Variants in SCGN observed in about 807,000 individuals in gnomAD.
The protein encoded by SCGN is secretagogin.
SCGN carries 30 observed loss-of-function variants against 39.7 expected under a neutral mutation model. The observed-to-expected ratio is 0.76, with a 90% CI of 0.57 to 1.03. The LOEUF (loss-of-function observed/expected upper bound fraction) is 1.03, where lower values mean the gene tolerates loss of function less well. Among genes scored for constraint, SCGN ranks in the 50% least tolerant of loss-of-function variants. The pLI is 0.00. For missense variants in SCGN, 353 were observed against 349.4 expected (o/e 1.01, Z -0.08); for synonymous variants, 106 against 114.1 (o/e 0.93, Z 0.45).
At chr6:25,678,388 A>G (rs1249914500) in intron 6 of SCGN, among the ~76,000 whole-genome samples, 1 of 152,094 alleles carries the variant, frequency 6.6e-6, no homozygotes. Flanking sequence ...CTTTTTTTTA[A>G]ATTCAATAAA....
chr6:25,701,369 T>C lies in SCGN; in HGVS notation c.*34T>C. On this transcript the variant is annotated 3_prime_UTR_variant, in exon 11 of 11. Coordinates refer to ENST00000377961, the MANE Select transcript of SCGN (RefSeq NM_006998.4). ...TGCTTTGCCTTTTGCTCTTACTATGTTTCTGTGATCTTGCTGGTAGAATTG... is the reference window on the plus strand; with the variant it reads ...TGCTTTGCCTTTTGCTCTTACTATGCTTCTGTGATCTTGCTGGTAGAATTG... 1 of 1,599,092 alleles carries C rather than the reference T, an allele frequency of 6.3e-7. No individual in the cohort carries two copies. Among genetic ancestry groups the C allele is most frequent in the South Asian group, 1.1e-5 (1 of 87,950 alleles).
chr6:25,657,855 G>A (rs1321493685), intron 2 of SCGN, among the ~76,000 whole-genome samples: 2 of 150,934 alleles, frequency 1.3e-5, no homozygotes, highest in African/African-American at 4.9e-5. Context: ...AAGACAGACT[G>A]TCACCTCAGG....
In SCGN at chr6:25,689,039, G is replaced by C. The variant is rs191617119; in HGVS notation, c.528-133G>C. 1.2e-3 allele frequency: 675 copies of C among 575,044 alleles called. 15 individuals are homozygous for C. In the Admixed American group the frequency reaches 0.021, roughly 18 times the overall value. 35.6% of individuals were successfully genotyped at this position (575,044 alleles called of 1,614,324 possible). On this transcript the variant is annotated intron_variant, in intron 7 of 10. Transcript: ENST00000377961. ...TAATTTCTTTGTTTCTGTGATGTAG[G>C]AAGTTCTGTCTTTCAAGTACCTATT... is the stretch of plus-strand genomic sequence containing the variant.
chr6:25,665,034 T>G lies in SCGN; in HGVS notation c.336+2T>G. The G allele has an allele frequency of 6.2e-7, 1 of 1,611,358 alleles. No homozygotes were observed. Among genetic ancestry groups the G allele is most frequent in the East Asian group, 2.2e-5 (1 of 44,864 alleles). The stretch of plus-strand genomic sequence containing the variant: ...GACAGCAGCGTGGAGTTTATGCAGG[T>G]GAGTGCTTGGTTGTGTCTCTGTGAA... On this transcript the variant is annotated splice_donor_variant, in intron 4 of 10. Coordinates refer to ENST00000377961, the MANE Select transcript of SCGN (RefSeq NM_006998.4). LOFTEE classifies it high-confidence loss of function.
At chr6:25,684,497 AGAT>A (rs1759678498) in intron 7 of SCGN, among the ~76,000 whole-genome samples, 1 of 152,190 alleles carries the variant, frequency 6.6e-6, no homozygotes, top group Non-Finnish European at 1.5e-5. Context: ...AGCAGAATAA[AGAT>A]GTCCACGTCT....
intron 3 of SCGN, among the ~76,000 whole-genome samples, chr6:25,663,199 A>T (rs530345047): frequency 6.6e-6 from 1 of 152,286 alleles, no homozygotes; most frequent in African/African-American, 2.4e-5. Flanking sequence ...TTGCTGTACC[A>T]TTGACCATTT....
chr6:25,696,478 T>C (rs1193438720), intron 10 of SCGN, among the ~76,000 whole-genome samples: 1 of 152,200 alleles, frequency 6.6e-6, no homozygotes, highest in Non-Finnish European at 1.5e-5. Context: ...TAGATCATAA[T>C]TTACTTAAAC....
At chr6:25,693,363 A>G (rs1053125075) in intron 10 of SCGN, among the ~76,000 whole-genome samples, 2 of 148,040 alleles carry the variant, frequency 1.4e-5, no homozygotes, top group African/African-American at 5.0e-5. Context: ...TAGGCAGGAG[A>G]ATGGTGTGAA....
intron 10 of SCGN, among the ~76,000 whole-genome samples, chr6:25,699,357 G>A (rs1263224212): frequency 6.6e-6 from 1 of 152,078 alleles, no homozygotes; most frequent in African/African-American, 2.4e-5. Flanking sequence ...GGGAGGCCGA[G>A]GCAGGTGTGT....
intron 8 of SCGN, 30 bp from the exon 9 acceptor site, chr6:25,689,443 G>A: frequency 6.3e-7 from 1 of 1,595,254 alleles, no homozygotes; most frequent in Non-Finnish European, 8.6e-7. Context: ...TCACATTGCT[G>A]GACTGACATA....
At chr6:25,696,374 G>T (rs548453085) in intron 10 of SCGN, among the ~76,000 whole-genome samples, 1 of 151,868 alleles carries the variant, frequency 6.6e-6, no homozygotes, top group East Asian at 1.9e-4. Flanking sequence ...CAATATCATA[G>T]TATATTATTT....
At chr6:25,658,171 C>T (rs779797839) in intron 2 of SCGN, among the ~76,000 whole-genome samples, 1 of 150,918 alleles carries the variant, frequency 6.6e-6, no homozygotes, top group Non-Finnish European at 1.5e-5. Context: ...TCCCGAGTAG[C>T]TGGGACTACA....
chr6:25,689,396 T>C, intron 8 of SCGN, 77 bp from the exon 9 acceptor site: 2 of 1,388,784 alleles, frequency 1.4e-6, no homozygotes, highest in Admixed American at 3.5e-5. Flanking sequence ...TTTACAAAAT[T>C]TGCCCAGGAC....
rs1036823273 is a variant in SCGN, at chr6:25,690,987, C to T, written c.634-69C>T. ...CAAGAATACTGATACGGTTTATTTA[C>T]CTAAGTTATTGCCTTGCTTTTTGGC... On this transcript the variant is annotated intron_variant, in intron 9 of 10. Transcript: ENST00000377961. The T allele has an allele frequency of 4.2e-6, 5 of 1,192,560 alleles. No homozygotes were observed. The African/African-American group carries it at 6.1e-5, about 14-fold the overall frequency. The allele number at this position is 1,192,560 out of a possible 1,614,324, so 73.9% of individuals were successfully genotyped here. A position where few individuals can be genotyped will look rare whatever the true frequency, so the allele number is the denominator to read the frequency against.
rs1200189488 is a variant in SCGN at position 25,655,349 on chromosome 6, G to A, written c.153+1897G>A. On this transcript the variant is annotated intron_variant, in intron 2 of 10. Coordinates refer to ENST00000377961, the MANE Select transcript of SCGN (RefSeq NM_006998.4). ...ATCGAGTTGGGGTCTGCACTAAGAT[G>A]AGGATGCTGTGAGATATCTTCATCT... 2.0e-5 allele frequency among the ~76,000 whole-genome samples: 3 copies of A among 152,156 alleles called. No individual in the cohort carries two copies. The South Asian group carries it at 6.2e-4, about 32-fold the overall frequency.
chr6:25,659,971 C>T (rs1412533113), intron 2 of SCGN, among the ~76,000 whole-genome samples: 2 of 152,086 alleles, frequency 1.3e-5, no homozygotes, highest in Non-Finnish European at 2.9e-5. Context: ...TTTTCTCAGC[C>T]AGTGATGGGA....
intron 10 of SCGN, among the ~76,000 whole-genome samples, chr6:25,693,694 T>C (rs1297526539): frequency 2.6e-5 from 4 of 152,180 alleles, no homozygotes; most frequent in African/African-American, 9.7e-5. Context: ...TATTTTAGAA[T>C]GCATAGCTTG....
chr6:25,679,664 T>G (rs1759611225), intron 6 of SCGN, among the ~76,000 whole-genome samples: 2 of 152,100 alleles, frequency 1.3e-5, no homozygotes, highest in South Asian at 4.1e-4. Context: ...AGAAATGAAC[T>G]ATATAAGCAT....
At chr6:25,674,903 T>C (rs991790889) in intron 6 of SCGN, among the ~76,000 whole-genome samples, 1 of 152,236 alleles carries the variant, frequency 6.6e-6, no homozygotes, top group Non-Finnish European at 1.5e-5. Flanking sequence ...TTTTAGATAA[T>C]ATTTACTTTT....
Sources: gnomAD v4.1 joint callset for allele counts (sites outside exome capture counted in the v4.1 genomes callset) on GRCh38, gnomAD v4.1.1 for gene constraint, MANE v1.5 for transcripts, NCBI Gene and HGNC (gene_info 2026-07-23, HGNC 2026-07-21) for gene names.